DPP10: variants seen among roughly 807,000 people sequenced by gnomAD.
The protein encoded by DPP10 is dipeptidyl peptidase like 10, also known as inactive dipeptidyl peptidase 10.
DPP10 carries 33 observed loss-of-function variants against 120.9 expected under a neutral mutation model. The ratio of observed to expected loss-of-function variants is 0.27; its 90% confidence interval spans 0.21 to 0.37. The LOEUF is 0.37. DPP10 is among the 10% of genes least tolerant of loss of function. The pLI is 1.00. For synonymous variants in DPP10, 337 were observed against 326.1 expected, an observed-to-expected ratio of 1.03 and a Z score of -0.36; for missense variants, 816 against 942.8, an observed-to-expected ratio of 0.87 and a Z score of 1.76.
intron 1 of DPP10, among the ~76,000 whole-genome samples, chr2:115,170,428 A>G (rs1031361370): frequency 3.3e-5 from 5 of 152,026 alleles, no homozygotes; most frequent in Non-Finnish European, 7.4e-5. Context: ...TTTTGAGAGG[A>G]AAAAAAACTG....
intron 3 of DPP10, among the ~76,000 whole-genome samples, chr2:115,490,360 G>A (rs761512621): frequency 3.3e-5 from 5 of 152,050 alleles, no homozygotes; most frequent in Admixed American, 2.0e-4. Context: ...GAACTCACTC[G>A]CTATCAGGAC....
At chr2:115,454,559 A>C (rs2105002695) in intron 3 of DPP10, among the ~76,000 whole-genome samples, 1 of 151,954 alleles carries the variant, frequency 6.6e-6, no homozygotes, top group East Asian at 1.9e-4. Context: ...AAAACTAGTA[A>C]TAAAAGGGAA....
chr2:115,805,871 G>T (rs755234595), intron 19 of DPP10, among the ~76,000 whole-genome samples: 11 of 151,960 alleles, frequency 7.2e-5, no homozygotes, highest in Non-Finnish European at 1.0e-4. Context: ...CGCCGCGCCC[G>T]GCACTTCCTG....
intron 15 of DPP10, 90 bp downstream of exon 15, chr2:115,777,924 T>C (rs1421081140): frequency 1.4e-6 from 2 of 1,388,628 alleles, no homozygotes; most frequent in Non-Finnish European, 2.0e-6. Flanking sequence ...ATTTGAAATG[T>C]CTTTTTCAAC....
intron 3 of DPP10, chr2:115,468,294 A>G: frequency 1.9e-6 from 1 of 513,956 alleles, no homozygotes; most frequent in Non-Finnish European, 3.9e-6. Flanking sequence ...CTCCAGGAAT[A>G]CTGGCCAGAG....
intron 1 of DPP10, among the ~76,000 whole-genome samples, chr2:115,055,940 C>A (rs1342359600): frequency 6.6e-6 from 1 of 151,700 alleles, no homozygotes; most frequent in Admixed American, 6.6e-5. Context: ...AATCATGCAG[C>A]ATGTAAAACA....
chr2:114,804,311 G>C (rs547539188), intron 1 of DPP10, among the ~76,000 whole-genome samples: 1 of 152,228 alleles, frequency 6.6e-6, no homozygotes, highest in Non-Finnish European at 1.5e-5. Flanking sequence ...TGCTAGGGCA[G>C]TGCAGAAGGG....
intron 1 of DPP10, among the ~76,000 whole-genome samples, chr2:114,949,837 G>A (rs1216814031): frequency 6.6e-6 from 1 of 152,166 alleles, no homozygotes; most frequent in African/African-American, 2.4e-5. Context: ...TTAGCTGCTA[G>A]AGCTCTTTCT....
At chr2:115,289,459 A>G (rs1559371093) in intron 1 of DPP10, among the ~76,000 whole-genome samples, 1 of 149,634 alleles carries the variant, frequency 6.7e-6, no homozygotes, top group East Asian at 2.0e-4. Context: ...GAATTAGAAA[A>G]AACAAGCCTA....
chr2:115,494,719 G>T (rs1321649782), intron 3 of DPP10, among the ~76,000 whole-genome samples: 1 of 151,648 alleles, frequency 6.6e-6, no homozygotes, highest in Non-Finnish European at 1.5e-5. Context: ...TTTTTATTGA[G>T]TATAGTTTCT....
At chr2:115,757,238 A>G (rs1679528024) in intron 11 of DPP10, among the ~76,000 whole-genome samples, 1 of 152,076 alleles carries the variant, frequency 6.6e-6, no homozygotes, top group Non-Finnish European at 1.5e-5. Flanking sequence ...AAAATACAAG[A>G]GACAACATTT....
chr2:114,476,620 A>T (rs965852861), intron 1 of DPP10, among the ~76,000 whole-genome samples: 1 of 152,212 alleles, frequency 6.6e-6, no homozygotes, highest in Admixed American at 6.5e-5. Context: ...TTATATAATC[A>T]TTGAATCATA....
intron 1 of DPP10, among the ~76,000 whole-genome samples, chr2:115,080,815 G>A (rs1708212446): frequency 6.6e-6 from 1 of 152,124 alleles, no homozygotes; most frequent in South Asian, 2.1e-4. Flanking sequence ...TGACTTTAGT[G>A]AAAGTTGTCA....
At chr2:115,581,857 A>G (rs2082019007) in intron 5 of DPP10, among the ~76,000 whole-genome samples, 1 of 152,084 alleles carries the variant, frequency 6.6e-6, no homozygotes, top group African/African-American at 2.4e-5. Context: ...ACAAATTACA[A>G]ATACTTATAT....
chr2:114,862,274 G>GA (rs5833566), intron 1 of DPP10, among the ~76,000 whole-genome samples: 46 of 150,764 alleles, frequency 3.1e-4, no homozygotes, highest in Middle Eastern at 3.4e-3. Context: ...TGTCCAAGTG[G>GA]AAAAAAAAAA....
intron 1 of DPP10, among the ~76,000 whole-genome samples, chr2:114,692,665 T>C (rs944686695): frequency 1.3e-5 from 2 of 152,066 alleles, no homozygotes; most frequent in African/African-American, 4.8e-5. Context: ...ATCTGTCTAA[T>C]ATTGTCAGTG....
rs1165186641 is a variant in DPP10, at chr2:114,776,706, C to T, written c.60+333868C>T. Among the ~76,000 whole-genome samples, 3 of 152,060 alleles carry T rather than the reference C, an allele frequency of 2.0e-5. No homozygotes were observed. In the East Asian group the frequency reaches 5.8e-4, roughly 29 times the overall value. On this transcript the variant is annotated intron_variant, in intron 1 of 25. Transcript: ENST00000410059. ...ATCAAAAAATTTGTTGGATAAATTA[C>T]ATTAGAGTAATTTTTAAAGTCACAT...
intron 1 of DPP10, among the ~76,000 whole-genome samples, chr2:115,061,703 T>A (rs149097058): frequency 6.6e-6 from 1 of 152,162 alleles, no homozygotes; most frequent in African/African-American, 2.4e-5. Context: ...TTTATGTAAA[T>A]TGATTCATTT....
intron 1 of DPP10, among the ~76,000 whole-genome samples, chr2:115,028,508 C>T (rs2202911): frequency 0.4 from 60,816 of 151,806 alleles, 12,353 homozygotes; most frequent in South Asian, 0.54. Flanking sequence ...AGGCCTGATA[C>T]ATGGTCTATC....
Sources: gnomAD v4.1 joint callset for allele counts (sites outside exome capture counted in the v4.1 genomes callset) on GRCh38, gnomAD v4.1.1 for gene constraint, MANE v1.5 for transcripts, NCBI Gene and HGNC (gene_info 2026-07-23, HGNC 2026-07-21) for gene names.